The following SNTG1 variants were observed in gnomAD, a reference collection of about 807,000 sequenced individuals.
The protein encoded by SNTG1 is syntrophin gamma 1, also known as gamma-1-syntrophin.
A neutral mutation model predicts 74.7 loss-of-function variants in SNTG1; 39 were observed. The observed-to-expected ratio is 0.52, with a 90% CI of 0.40 to 0.68. The LOEUF is 0.68. Among genes scored for constraint, SNTG1 ranks in the 30% least tolerant of loss-of-function variants. The pLI is 0.00. For missense variants in SNTG1, 685 were observed against 609.5 expected (o/e 1.12, Z -1.30); for synonymous variants, 254 against 217.1 (o/e 1.17, Z -1.49).
chr8:50,358,748 C>T (rs1026350199), intron 2 of SNTG1, among the ~76,000 whole-genome samples: 6 of 152,036 alleles, frequency 3.9e-5, no homozygotes, highest in Admixed American at 2.6e-4. Flanking sequence ...TCAAATGTAG[C>T]CAATAAATTA....
chr8:50,241,724 AACTAAGGTAG>A, intron 2 of SNTG1, among the ~76,000 whole-genome samples: 1 of 152,186 alleles, frequency 6.6e-6, no homozygotes, highest in African/African-American at 2.4e-5. Flanking sequence ...TGCCAACATG[AACTAAGGTAG>A]AACTATATTG....
intron 1 of SNTG1, among the ~76,000 whole-genome samples, chr8:50,101,887 CTCA>C (rs2131236253): frequency 6.6e-6 from 1 of 152,258 alleles, no homozygotes; most frequent in South Asian, 2.1e-4. Flanking sequence ...AGGACACGAA[CTCA>C]TCATTTTTTA....
chr8:50,143,104 TA>T (rs1339329628), intron 1 of SNTG1, among the ~76,000 whole-genome samples: 1 of 151,646 alleles, frequency 6.6e-6, no homozygotes, highest in African/African-American at 2.4e-5. Flanking sequence ...TAAATAAAAA[TA>T]AAAAATAAAT....
At chr8:50,693,100 G>A (rs2095389318) in intron 15 of SNTG1, among the ~76,000 whole-genome samples, 1 of 152,160 alleles carries the variant, frequency 6.6e-6, no homozygotes, top group South Asian at 2.1e-4. Flanking sequence ...AAGCCCATTG[G>A]AAAAGCGCAG....
At chr8:49,965,417 A>C (rs761935299) in intron 1 of SNTG1, among the ~76,000 whole-genome samples, 1 of 152,190 alleles carries the variant, frequency 6.6e-6, no homozygotes, top group Non-Finnish European at 1.5e-5. Context: ...TCACTGTCTA[A>C]TCAGTCTGTT....
chr8:50,679,088 A>G (rs969808349), intron 15 of SNTG1, among the ~76,000 whole-genome samples: 1 of 152,138 alleles, frequency 6.6e-6, no homozygotes, highest in Non-Finnish European at 1.5e-5. Context: ...AATATAATCT[A>G]TTAACTGTTT....
intron 2 of SNTG1, among the ~76,000 whole-genome samples, chr8:50,362,284 G>A (rs2957600): frequency 0.41 from 62,246 of 151,878 alleles, 12,965 homozygotes; most frequent in Middle Eastern, 0.5. Flanking sequence ...ATATCTTCCA[G>A]TGCGGTACCA....
Position 50,434,665 on chromosome 8 carries a change from C to T in SNTG1, c.163-3878C>T, listed in dbSNP as rs1489384111. Among the ~76,000 whole-genome samples the T allele has an allele frequency of 2.6e-5, 4 of 152,078 alleles. No individual in the cohort carries two copies. The East Asian group carries it at 7.7e-4, about 29-fold the overall frequency. ...TGATGATGAGCATTTATTCATGTGT[C>T]TGTTGGCTGCATAAATGTCATCTTT... On this transcript the variant is annotated intron_variant, in intron 4 of 18. Coordinates refer to ENST00000642720, the MANE Select transcript of SNTG1 (RefSeq NM_018967.5).
chr8:50,057,115 A>C (rs2130913123), intron 1 of SNTG1, among the ~76,000 whole-genome samples: 1 of 152,292 alleles, frequency 6.6e-6, no homozygotes, highest in East Asian at 1.9e-4. Context: ...TTACTAAGAA[A>C]TAAATTACGT....
At chr8:50,163,419 T>G (rs968296496) in intron 1 of SNTG1, 4 of 152,044 alleles carry the variant, frequency 2.6e-5, no homozygotes, top group African/African-American at 7.2e-5. Flanking sequence ...TTCCAAGTTT[T>G]TTTTTTTTTA....
At chr8:50,335,781 G>C (rs927115115) in intron 2 of SNTG1, among the ~76,000 whole-genome samples, 1 of 151,594 alleles carries the variant, frequency 6.6e-6, no homozygotes, top group Admixed American at 6.6e-5. Flanking sequence ...TGCCAGCTAA[G>C]TCATAGCCAC....
At chr8:50,758,438 T>C (rs2095587323) in intron 18 of SNTG1, among the ~76,000 whole-genome samples, 1 of 151,978 alleles carries the variant, frequency 6.6e-6, no homozygotes, top group African/African-American at 2.4e-5. Flanking sequence ...GTCATCTAAG[T>C]TAGGTATTCC....
chr8:50,314,777 A>C lies in SNTG1; in HGVS notation c.-27-79435A>C, dbSNP rs896373616. On this transcript the variant is annotated intron_variant, in intron 2 of 18. Coordinates refer to ENST00000642720, the MANE Select transcript of SNTG1 (RefSeq NM_018967.5). ...GACAATTTCAAATTTTATTTCTTTT[A>C]AAAGATTTGTGTAATCTCCCCAGTT... 1.9e-4 allele frequency among the ~76,000 whole-genome samples: 29 copies of C among 150,084 alleles called. 7 individuals carry two copies. Among genetic ancestry groups the C allele is most frequent in the African/African-American group, 6.9e-4 (28 of 40,350 alleles).
chr8:50,400,595 A>G (rs887333381), intron 3 of SNTG1, among the ~76,000 whole-genome samples: 1 of 152,202 alleles, frequency 6.6e-6, no homozygotes, highest in African/African-American at 2.4e-5. Context: ...TTTAAGGGAT[A>G]TACTAATTTA....
chr8:50,291,242 ATGTGTGTGTGTG>A (rs35700232), intron 2 of SNTG1, among the ~76,000 whole-genome samples: 1 of 149,184 alleles, frequency 6.7e-6, no homozygotes, highest in African/African-American at 2.5e-5. Flanking sequence ...AGACAGACAT[ATGTGTGTGTGTG>A]TGTGTGTGTG....
At chr8:50,631,492 G>T (rs2094997078) in intron 13 of SNTG1, among the ~76,000 whole-genome samples, 1 of 152,114 alleles carries the variant, frequency 6.6e-6, no homozygotes. Flanking sequence ...TTTAACACTT[G>T]ATTGACCTCA....
chr8:50,215,989 AT>A (rs937047728), intron 2 of SNTG1, among the ~76,000 whole-genome samples: 4 of 152,114 alleles, frequency 2.6e-5, no homozygotes, highest in African/African-American at 4.8e-5. Context: ...AAATCAAGGA[AT>A]TTTTTTACAG....
intron 15 of SNTG1, among the ~76,000 whole-genome samples, chr8:50,701,669 CTTCCTT>C: frequency 6.9e-6 from 1 of 144,872 alleles, no homozygotes; most frequent in Non-Finnish European, 1.5e-5. Context: ...TCTTCTTCTT[CTTCCTT>C]CTTCTTCTTC....
chr8:50,166,823 G>A (rs1482185403), intron 1 of SNTG1, among the ~76,000 whole-genome samples: 44 of 150,378 alleles, frequency 2.9e-4, no homozygotes, highest in Non-Finnish European at 5.9e-5. Context: ...ACATGCACAC[G>A]TATGTTTATT....
Sources: gnomAD v4.1 joint callset for allele counts (sites outside exome capture counted in the v4.1 genomes callset) on GRCh38, gnomAD v4.1.1 for gene constraint, MANE v1.5 for transcripts, NCBI Gene and HGNC (gene_info 2026-07-23, HGNC 2026-07-21) for gene names.